DUSP16: variants seen among roughly 807,000 people sequenced by gnomAD.
DUSP16 encodes the protein dual specificity phosphatase 16, also known as dual specificity protein phosphatase 16.
In DUSP16, 21 loss-of-function variants were observed where a neutral mutation model predicts 58.3. The observed-to-expected ratio is 0.36, with a 90% CI of 0.26 to 0.52. DUSP16 has a LOEUF of 0.52. Ranked by LOEUF, DUSP16 falls within the 20% of genes least tolerant of loss-of-function variation. The probability of loss-of-function intolerance (pLI) is 0.94; values close to 1 mark genes in which losing one functional copy is unlikely to be tolerated. For missense variants in DUSP16, 726 were observed against 819.0 expected (o/e 0.89, Z 1.39); for synonymous variants, 320 against 323.8 (o/e 0.99, Z 0.12).
chr12:12,539,082 G>A (rs914007282), intron 1 of DUSP16, among the ~76,000 whole-genome samples: 1 of 152,104 alleles, frequency 6.6e-6, no homozygotes, highest in Non-Finnish European at 1.5e-5. Context: ...TTTTTCACAC[G>A]AACAAGCAGA....
intron 1 of DUSP16, among the ~76,000 whole-genome samples, chr12:12,522,221 T>C (rs1480046705): frequency 1.3e-5 from 2 of 152,156 alleles, no homozygotes; most frequent in Non-Finnish European, 2.9e-5. Flanking sequence ...CCAAGTTGCT[T>C]AAGGCCCTGT....
intron 6 of DUSP16, 131 bp downstream of exon 6, chr12:12,480,092 T>A: frequency 8.0e-7 from 1 of 1,253,530 alleles, no homozygotes; most frequent in Non-Finnish European, 1.1e-6. Flanking sequence ...CATTAAAAAA[T>A]CCACAGTAAC....
At chr12:12,551,385 T>G (rs1212947855) in intron 1 of DUSP16, among the ~76,000 whole-genome samples, 1 of 150,082 alleles carries the variant, frequency 6.7e-6, no homozygotes, top group African/African-American at 2.5e-5. Flanking sequence ...GCGTGTAATC[T>G]GAGCTAGGCA....
intron 1 of DUSP16, among the ~76,000 whole-genome samples, chr12:12,541,888 A>AC (rs1944565005): frequency 6.6e-6 from 1 of 151,628 alleles, no homozygotes; most frequent in Non-Finnish European, 1.5e-5. Context: ...GCAGATTTAT[A>AC]AACAGCCAAA....
chr12:12,510,649 G>A (rs1478777668), intron 3 of DUSP16, among the ~76,000 whole-genome samples: 1 of 152,214 alleles, frequency 6.6e-6, no homozygotes, highest in East Asian at 1.9e-4. Flanking sequence ...TGGTGACCAA[G>A]ACAGAGAGCC....
Position 12,477,864 on chromosome 12 carries a change from CA to C in DUSP16, c.966del (p.Val323SerfsTer49), listed in dbSNP as rs1302516474. On this transcript the variant is annotated frameshift_variant, in exon 7 of 7. Transcript: ENST00000298573. LOFTEE classifies it high-confidence loss of function. The surrounding 1 kb of genome is among the most constrained non-coding windows in gnomAD (Gnocchi z 4.1). ...TGTCCACCCTCTGAGACAGCAGGGA[CA>C]GGTTCATTTGGCTTCTCCAGGTGCA... ...KLLHLEKPNE[P>X]VPAVSEGGQK... 10 of 1,614,104 alleles carry C rather than the reference CA, an allele frequency of 6.2e-6. No individual in the cohort carries two copies. Among genetic ancestry groups the C allele is most frequent in the Non-Finnish European group, 8.5e-6 (10 of 1,180,044 alleles).
At chr12:12,532,740 G>A (rs1316171271) in intron 1 of DUSP16, among the ~76,000 whole-genome samples, 1 of 152,100 alleles carries the variant, frequency 6.6e-6, no homozygotes, top group Non-Finnish European at 1.5e-5. Context: ...CTGAGGTCAA[G>A]AATTCGAGAA....
chr12:12,558,752 C>T (rs371573967), intron 1 of DUSP16, among the ~76,000 whole-genome samples: 1 of 151,098 alleles, frequency 6.6e-6, no homozygotes, highest in East Asian at 2.0e-4. Flanking sequence ...TAACCCCAGT[C>T]AAGAAGGGCG....
intron 5 of DUSP16, among the ~76,000 whole-genome samples, chr12:12,485,783 C>A (rs1312060614): frequency 2.2e-5 from 3 of 137,606 alleles, no homozygotes; most frequent in African/African-American, 5.2e-5. Context: ...CTGGCCAATT[C>A]CACTTTTTTT....
chr12:12,510,879 G>A (rs1198760053), intron 3 of DUSP16, among the ~76,000 whole-genome samples: 2 of 152,100 alleles, frequency 1.3e-5, no homozygotes, highest in Admixed American at 6.6e-5. Flanking sequence ...GGCCCAGGGT[G>A]CATGATGTCT....
intron 3 of DUSP16, among the ~76,000 whole-genome samples, chr12:12,517,428 A>G (rs1944169959): frequency 6.6e-6 from 1 of 152,132 alleles, no homozygotes; most frequent in African/African-American, 2.4e-5. Context: ...CCCAACCAAA[A>G]TATTTAAGAA....
intron 1 of DUSP16, among the ~76,000 whole-genome samples, chr12:12,539,383 A>G (rs1592203917): frequency 1.3e-5 from 2 of 152,318 alleles, no homozygotes; most frequent in East Asian, 3.9e-4. Flanking sequence ...ACAGAGCCCA[A>G]TTAGGGTTTA....
At position 12,476,845 on chromosome 12, in the gene DUSP16, AATG is replaced by A; in HGVS notation, c.1983_1985del (p.Ile662del). ...AGTGTCTTTCTTCTCAGGAGACCTC[AATG>A]ATTTCCATGCTGCCCGAAAAGCTAG... is the stretch of plus-strand genomic sequence containing the variant. On this transcript the variant is annotated inframe_deletion, in exon 7 of 7. Coordinates refer to ENST00000298573, the MANE Select transcript of DUSP16 (RefSeq NM_030640.3). 1 of 1,603,800 alleles carries A rather than the reference AATG, an allele frequency of 6.2e-7. No homozygotes were observed. Among genetic ancestry groups the A allele is most frequent in the Non-Finnish European group, 8.5e-7 (1 of 1,176,630 alleles).
At chr12:12,495,625 T>C (rs1393523908) in intron 4 of DUSP16, among the ~76,000 whole-genome samples, 3 of 152,236 alleles carry the variant, frequency 2.0e-5, no homozygotes, top group Non-Finnish European at 2.9e-5. Flanking sequence ...GATTAATATA[T>C]GGCCTTAATG....
chr12:12,537,346 C>T (rs1944482136), intron 1 of DUSP16, among the ~76,000 whole-genome samples: 2 of 152,088 alleles, frequency 1.3e-5, no homozygotes, highest in Non-Finnish European at 2.9e-5. Flanking sequence ...AATTACATAG[C>T]CCTATGACAG....
rs144078803 is a variant in DUSP16 at position 12,516,656 on chromosome 12, G to A, written c.367+3206C>T. 1.2e-4 allele frequency among the ~76,000 whole-genome samples: 19 copies of A among 152,164 alleles called. No homozygotes were observed. The East Asian group carries it at 1.7e-3, about 14-fold the overall frequency. The stretch of plus-strand genomic sequence containing the variant: ...GTTTCATATTAGATATTTTCCCATC[G>A]CAGCTATATATTTGCTTTATCAGAA... On this transcript the variant is annotated intron_variant, in intron 3 of 6. Transcript: ENST00000298573.
At chr12:12,540,395 T>C (rs1019494911) in intron 1 of DUSP16, among the ~76,000 whole-genome samples, 2 of 152,180 alleles carry the variant, frequency 1.3e-5, no homozygotes, top group African/African-American at 4.8e-5. Context: ...TCAGGAGTTT[T>C]CGTAACATAT....
rs2136178891 is a variant in DUSP16 at position 12,474,371 on chromosome 12, CT to C, written c.*2461del. ...TATATTCATATTAAACATTTACAGT[CT>C]TTCCATCTAACTTTACACATGTCCT... is the stretch of plus-strand genomic sequence containing the variant. On this transcript the variant is annotated 3_prime_UTR_variant, in exon 7 of 7. Transcript: ENST00000298573. The C allele has an allele frequency of 6.6e-6, 1 of 151,958 alleles. No individual in the cohort carries two copies. The highest frequency in any genetic ancestry group is 2.0e-4 in the East Asian group (1 of 5,090). 9.4% of individuals were successfully genotyped at this position (151,958 alleles called of 1,614,324 possible).
Position 12,519,177 on chromosome 12 carries a change from T to C in DUSP16, c.367+685A>G, listed in dbSNP as rs186091293. ...ATGAATAGCCTTCTTTGGAATTTGA[T>C]GGGATTAACTCCTACAATGCCGTCC... On this transcript the variant is annotated intron_variant, in intron 3 of 6. Coordinates refer to ENST00000298573, the MANE Select transcript of DUSP16 (RefSeq NM_030640.3). Among the ~76,000 whole-genome samples the C allele has an allele frequency of 3.1e-3, 467 of 152,346 alleles. 1 individual carries two copies. Among genetic ancestry groups the C allele is most frequent in the African/African-American group, 0.011 (445 of 41,584 alleles).
Sources: allele counts gnomAD v4.1 joint callset (sites outside exome capture counted in the v4.1 genomes callset), GRCh38; gene constraint gnomAD v4.1.1; non-coding constraint Gnocchi (gnomAD v3.1); transcripts MANE v1.5; gene names NCBI Gene and HGNC (gene_info 2026-07-23, HGNC 2026-07-21).